UBR3: variants seen among roughly 807,000 people sequenced by gnomAD.
The protein encoded by UBR3 is E3 ubiquitin-protein ligase UBR3.
Under a neutral mutation model 243.2 loss-of-function variants are expected in UBR3, and 85 were observed. The ratio of observed to expected loss-of-function variants is 0.35; its 90% CI spans 0.29 to 0.42. UBR3 has a LOEUF of 0.42. Among genes scored for constraint, UBR3 ranks in the 10% least tolerant of loss-of-function variants. UBR3 has a pLI of 1.00. For synonymous variants in UBR3, 748 were observed against 799.8 expected (o/e 0.94, Z 1.09); for missense variants, 1,686 against 2,300.8 (o/e 0.73, Z 5.47).
At chr2:169,835,957 G>T (rs2082070211) in intron 1 of UBR3, among the ~76,000 whole-genome samples, 1 of 123,548 alleles carries the variant, frequency 8.1e-6, no homozygotes, top group South Asian at 2.9e-4. Flanking sequence ...TTCCTCTCCA[G>T]ACGTTAACCA....
chr2:170,059,694 C>A (rs1450020055), intron 33 of UBR3, among the ~76,000 whole-genome samples: 1 of 151,886 alleles, frequency 6.6e-6, no homozygotes, highest in Non-Finnish European at 1.5e-5. Context: ...TAAGGAGAAC[C>A]ACCGCAGAGT....
intron 19 of UBR3, among the ~76,000 whole-genome samples, chr2:169,933,783 A>G (rs2086224737): frequency 6.6e-6 from 1 of 152,192 alleles, no homozygotes; most frequent in South Asian, 2.1e-4. Flanking sequence ...GCAGTAATAG[A>G]AATATCTATC....
Position 169,895,169 on chromosome 2 carries a change from T to C in UBR3, c.1106-12T>C. The C allele has an allele frequency of 6.7e-7, 1 of 1,491,542 alleles. No individual in the cohort carries two copies. The highest frequency in any genetic ancestry group is 1.4e-5 in the African/African-American group (1 of 69,792). The allele number at this position is 1,491,542 out of a possible 1,614,324, so 92.4% of individuals were successfully genotyped here. ...CAATCATTAACTGATAAATTTCATT[T>C]TTCATGTGCAGATCAATCCATAATG... On this transcript the variant is annotated splice_polypyrimidine_tract_variant and intron_variant, in intron 6 of 38. Transcript: ENST00000272793.
intron 10 of UBR3, among the ~76,000 whole-genome samples, chr2:169,908,794 C>CT (rs1207118161): frequency 6.7e-6 from 1 of 150,048 alleles, no homozygotes; most frequent in African/African-American, 2.5e-5. Context: ...AGGGAATAGC[C>CT]TACCTTCAGT....
intron 5 of UBR3, among the ~76,000 whole-genome samples, chr2:169,885,905 A>G (rs1331829367): frequency 1.3e-5 from 2 of 152,176 alleles, no homozygotes; most frequent in Non-Finnish European, 1.5e-5. Context: ...CATGCCTGTA[A>G]TTCCAGAACT....
At chr2:170,005,455 G>A (rs192956416) in intron 27 of UBR3, among the ~76,000 whole-genome samples, 1 of 152,288 alleles carries the variant, frequency 6.6e-6, no homozygotes, top group Non-Finnish European at 1.5e-5. Flanking sequence ...TGGTGTGAAT[G>A]ATGAAAGGAC....
intron 33 of UBR3, among the ~76,000 whole-genome samples, chr2:170,057,596 G>A (rs2091362188): frequency 6.6e-6 from 1 of 152,094 alleles, no homozygotes; most frequent in African/African-American, 2.4e-5. Flanking sequence ...GAAATTTGCT[G>A]ATAAAATTTG....
At position 169,979,357 on chromosome 2, in the gene UBR3, A is replaced by G. The variant is rs531611061; in HGVS notation, c.3635-7288A>G. 1.1e-3 allele frequency among the ~76,000 whole-genome samples: 164 copies of G among 152,334 alleles called. 1 individual carries two copies. The highest frequency in any genetic ancestry group is 1.9e-3 in the Non-Finnish European group (128 of 68,038). ...AGTCTGGCATTTTCCTGTAAAGCTA[A>G]GCTTAATCTTACCATATGATCCATC... On this transcript the variant is annotated intron_variant, in intron 24 of 38. Coordinates refer to ENST00000272793, the MANE Select transcript of UBR3 (RefSeq NM_172070.4).
At chr2:170,062,593 T>C (rs1313727984) in intron 35 of UBR3, among the ~76,000 whole-genome samples, 2 of 152,226 alleles carry the variant, frequency 1.3e-5, no homozygotes, top group African/African-American at 4.8e-5. Flanking sequence ...TTTAAAAAAG[T>C]GTGTTTCTTT....
At chr2:169,912,397 ATCT>A (rs2085288416) in intron 10 of UBR3, among the ~76,000 whole-genome samples, 1 of 152,106 alleles carries the variant, frequency 6.6e-6, no homozygotes, top group Admixed American at 6.6e-5. Flanking sequence ...GAAACCACTA[ATCT>A]TCTTTCAACC....
intron 27 of UBR3, among the ~76,000 whole-genome samples, chr2:170,004,057 G>T (rs186249091): frequency 3.8e-4 from 58 of 152,278 alleles, no homozygotes; most frequent in African/African-American, 1.3e-3. Flanking sequence ...TAAAGAATTT[G>T]GACTTTATGT....
chr2:169,947,813 T>A (rs1397996196), intron 22 of UBR3, 98 bp downstream of exon 22: 5 of 1,247,930 alleles, frequency 4.0e-6, no homozygotes, highest in East Asian at 3.1e-5. Context: ...GAAAAAAAAA[T>A]GTGGTTGTAG....
chr2:170,014,971 GTTTT>G (rs5836256), intron 29 of UBR3: 1 of 166,354 alleles, frequency 6.0e-6, no homozygotes, highest in African/African-American at 2.5e-5. Context: ...ATATGTTGCA[GTTTT>G]TTTTTTTTTC....
chr2:169,954,570 C>CTTT (rs572929851), intron 23 of UBR3, among the ~76,000 whole-genome samples: 12 of 130,052 alleles, frequency 9.2e-5, no homozygotes, highest in Admixed American at 4.0e-4. Context: ...TGTTACTTAC[C>CTTT]TTTTTTTTTT....
intron 24 of UBR3, among the ~76,000 whole-genome samples, chr2:169,972,122 A>G (rs2088183928): frequency 6.6e-6 from 1 of 152,256 alleles, no homozygotes; most frequent in South Asian, 2.1e-4. Context: ...CTACCATCAG[A>G]GAATACTAAA....
chr2:169,964,975 A>G (rs771228398), intron 24 of UBR3: 3 of 456,720 alleles, frequency 6.6e-6, no homozygotes, highest in Admixed American at 4.7e-5. Context: ...AGGTGAGGCA[A>G]TAAAGATTTA....
intron 8 of UBR3, among the ~76,000 whole-genome samples, chr2:169,902,515 A>G (rs2084864964): frequency 6.7e-6 from 1 of 149,290 alleles, no homozygotes; most frequent in Non-Finnish European, 1.5e-5. Flanking sequence ...TTCCGCGTAT[A>G]GCACCATCTG....
At position 169,827,497 on chromosome 2, in the gene UBR3, G is replaced by T; in HGVS notation, c.-11G>T. ...GCTGGCCCTGGACTCTCCAAATTCT[G>T]AGCTCTCATCATGGCGGCGGCGGCC... is the stretch of plus-strand genomic sequence containing the variant. On this transcript the variant is annotated 5_prime_UTR_variant, in exon 1 of 39. Transcript: ENST00000272793. The T allele has an allele frequency of 9.8e-6, 12 of 1,227,868 alleles. No individual in the cohort carries two copies. Among genetic ancestry groups the T allele is most frequent in the Non-Finnish European group, 1.2e-5 (12 of 986,082 alleles). 76.1% of individuals were successfully genotyped at this position (1,227,868 alleles called of 1,614,324 possible). A position where few individuals can be genotyped will look rare whatever the true frequency, so the allele number is the denominator to read the frequency against.
chr2:169,962,391 T>C, intron 24 of UBR3, among the ~76,000 whole-genome samples: 1 of 152,150 alleles, frequency 6.6e-6, no homozygotes, highest in Middle Eastern at 3.2e-3. Context: ...AGCCTTTAAA[T>C]GACTGCAGGT....
Sources: gnomAD v4.1 joint callset for allele counts (sites outside exome capture counted in the v4.1 genomes callset) on GRCh38, gnomAD v4.1.1 for gene constraint, MANE v1.5 for transcripts, NCBI Gene and HGNC (gene_info 2026-07-23, HGNC 2026-07-21) for gene names.